Variants in TLE2 observed in about 807,000 individuals in gnomAD.
The protein encoded by TLE2 is transducin-like enhancer protein 2.
Under a neutral mutation model 97.2 loss-of-function variants are expected in TLE2, and 74 were observed. That is an observed-to-expected ratio of 0.76 (90% CI 0.63 to 0.92). The LOEUF (loss-of-function observed/expected upper bound fraction) is 0.92, where lower values mean the gene tolerates loss of function less well. Ranked by LOEUF, TLE2 falls within the 40% of genes least tolerant of loss-of-function variation. The pLI, the probability that TLE2 is intolerant of heterozygous loss-of-function variation, is 0.00. For synonymous variants in TLE2, 499 were observed against 432.1 expected (o/e 1.15, Z -1.92); for missense variants, 1,038 against 1,008.7 (o/e 1.03, Z -0.39).
chr19:3,045,549 G>A (rs1404847837), intron 1 of TLE2, among the ~76,000 whole-genome samples: 1 of 152,124 alleles, frequency 6.6e-6, no homozygotes, highest in Non-Finnish European at 1.5e-5. Flanking sequence ...GGGTGCAGTG[G>A]CTTACACCTG....
chr19:3,011,598 C>T (rs1478814202), intron 11 of TLE2, among the ~76,000 whole-genome samples: 1 of 151,836 alleles, frequency 6.6e-6, no homozygotes, highest in Non-Finnish European at 1.5e-5. Context: ...GCCTGTAATC[C>T]CACCACTTTG....
intron 9 of TLE2, among the ~76,000 whole-genome samples, chr19:3,015,074 A>AAG (rs1337654918): frequency 5.7e-5 from 8 of 140,372 alleles, no homozygotes; most frequent in Non-Finnish European, 1.3e-4. Context: ...AAAAAAAAAA[A>AAG]AGCTATTAGG....
chr19:3,042,162 G>A (rs1763901796), intron 1 of TLE2, among the ~76,000 whole-genome samples: 1 of 149,090 alleles, frequency 6.7e-6, no homozygotes, highest in African/African-American at 2.5e-5. Flanking sequence ...GAAGAGGAGG[G>A]GGAGGAGGAG....
intron 12 of TLE2, among the ~76,000 whole-genome samples, chr19:3,010,047 T>C (rs2089562149): frequency 6.6e-6 from 1 of 151,856 alleles, no homozygotes; most frequent in Non-Finnish European, 1.5e-5. Flanking sequence ...TTCTTTTAAT[T>C]GGCAAACTCC....
At chr19:3,030,521 C>A (rs1010926547), upstream of TLE2, among the ~76,000 whole-genome samples, 2 of 152,152 alleles carry the variant, frequency 1.3e-5, no homozygotes, top group African/African-American at 2.4e-5. Flanking sequence ...AAAATCCATG[C>A]CCCTTGATGA....
intron 17 of TLE2, among the ~76,000 whole-genome samples, chr19:3,003,553 G>A (rs1031552553): frequency 9.2e-5 from 14 of 151,986 alleles, no homozygotes; most frequent in African/African-American, 1.4e-4. Flanking sequence ...CAGGAGAATC[G>A]CTTGAACTTG....
rs1425747384 is a variant in TLE2 at position 3,000,662 on chromosome 19, C to G, written c.2109G>C (p.Gly703=). 1 of 1,589,794 alleles carries G rather than the reference C, an allele frequency of 6.3e-7. No individual in the cohort carries two copies. Among genetic ancestry groups the G allele is most frequent in the Non-Finnish European group, 8.6e-7 (1 of 1,168,638 alleles). Residue 703 remains glycine, a synonymous_variant, in exon 19 of 20, where the codon GGG becomes GGC. Coordinates refer to ENST00000262953, the MANE Select transcript of TLE2 (RefSeq NM_003260.5). The part of the protein sequence containing the change: ...NLLNAWRTPY[G]ASIFQSKESS... ...CGCCGAGTACCTGGAAAATGCTGGCCCCGTACGGCGTCCTCCAGGCGTTGA... is the reference window on the plus strand; with the variant it reads ...CGCCGAGTACCTGGAAAATGCTGGCGCCGTACGGCGTCCTCCAGGCGTTGA...
intron 1 of TLE2, among the ~76,000 whole-genome samples, chr19:3,041,062 T>C (rs2090100065): frequency 1.6e-5 from 2 of 124,500 alleles, no homozygotes; most frequent in South Asian, 2.9e-4. Flanking sequence ...AGTCTTATTC[T>C]GTCGCCCAGA....
Position 3,019,633 on chromosome 19 carries a change from G to T in TLE2, c.369+66C>A. 5.7e-6 allele frequency: 9 copies of T among 1,567,724 alleles called. No individual in the cohort carries two copies. The highest frequency in any genetic ancestry group is 7.8e-6 in the Non-Finnish European group (9 of 1,156,144). On this transcript the variant is annotated intron_variant, in intron 6 of 19. Transcript: ENST00000262953. The surrounding 1 kb of genome is among the most constrained non-coding windows in gnomAD (Gnocchi z 5.1). Reference sequence around the variant, plus strand: ...CACCACCCCAGCTTTAACACCTCCTGGGTGGGTGCCAGGGACCTGGGAGTG... The same window carrying T: ...CACCACCCCAGCTTTAACACCTCCTTGGTGGGTGCCAGGGACCTGGGAGTG...
In TLE2 at chr19:3,019,340, G is replaced by T. The variant is rs749627803; in HGVS notation, c.493C>A (p.Gln165Lys). The T allele has an allele frequency of 7.6e-6, 12 of 1,570,440 alleles. No homozygotes were observed. Among genetic ancestry groups the T allele is most frequent in the Non-Finnish European group, 1.0e-5 (12 of 1,166,224 alleles). Reference protein sequence around the residue: ...ALSGALAAQAQLAAAVKEDRA... With the variant: ...ALSGALAAQAKLAAAVKEDRA... ...TCCTCCTTGACAGCCGCCGCCAGCT[G>T]AGCCTGGGCAGCCAGGGCTCCAGAC... Residue 165 changes from glutamine to lysine, a missense_variant, in exon 7 of 20, where the codon CAG becomes AAG. Gln to Lys is a moderately conservative substitution (Grantham distance 53). Coordinates refer to ENST00000262953, the MANE Select transcript of TLE2 (RefSeq NM_003260.5). The surrounding 1 kb of genome is among the most constrained non-coding windows in gnomAD (Gnocchi z 5.1).
chr19:3,010,877 A>T (rs1331791759), intron 12 of TLE2, 145 bp downstream of exon 12: 3 of 1,120,266 alleles, frequency 2.7e-6, no homozygotes, highest in Non-Finnish European at 3.7e-6. Flanking sequence ...AGAGGGAGGC[A>T]GCGTCTAACT....
intron 14 of TLE2, among the ~76,000 whole-genome samples, chr19:3,007,404 T>A (rs2089501647): frequency 6.6e-6 from 1 of 152,172 alleles, no homozygotes; most frequent in Admixed American, 6.5e-5. Context: ...ATGCATTTTT[T>A]AAAGTAATTT....
Position 3,009,527 on chromosome 19 carries a change from C to T in TLE2, c.1173+15G>A, listed in dbSNP as rs781662924. 3.2e-6 allele frequency: 5 copies of T among 1,573,238 alleles called. No individual in the cohort carries two copies. Among genetic ancestry groups the T allele is most frequent in the Admixed American group, 1.9e-5 (1 of 52,840 alleles). ...GCCCTGCTGACACCTCCTGCGCCCC[C>T]ACCCAAGGACTCACCACGGGGGAGC... On this transcript the variant is annotated intron_variant, in intron 13 of 19. Transcript: ENST00000262953.
chr19:3,047,181 C>T (rs1355309725), upstream of TLE2, among the ~76,000 whole-genome samples: 2 of 110,652 alleles, frequency 1.8e-5, no homozygotes, highest in Non-Finnish European at 3.8e-5. Flanking sequence ...TACCCTCCCC[C>T]GTCCTCCGCC....
chr19:3,042,595 A>G (rs936067948), intron 1 of TLE2, among the ~76,000 whole-genome samples: 12 of 151,210 alleles, frequency 7.9e-5, no homozygotes, highest in Admixed American at 2.6e-4. Context: ...GATGGCAGAA[A>G]GAGGGAGACG....
intron 1 of TLE2, among the ~76,000 whole-genome samples, chr19:3,042,281 C>A: frequency 1.3e-5 from 1 of 76,990 alleles, no homozygotes; most frequent in African/African-American, 5.2e-5. Flanking sequence ...TGTGGAGGGG[C>A]AGGGAGGAAG....
chr19:3,024,968 C>T (rs1404706876), intron 5 of TLE2, 52 bp downstream of exon 5: 5 of 1,493,926 alleles, frequency 3.3e-6, no homozygotes, highest in East Asian at 2.4e-5. Context: ...TACCCCCTCC[C>T]GTCTTCTTCC....
intron 5 of TLE2, among the ~76,000 whole-genome samples, chr19:3,021,114 AG>A (rs148602558): frequency 0.28 from 12,619 of 45,262 alleles, 1,932 homozygotes; most frequent in African/African-American, 0.32. Flanking sequence ...AAAAAAAAAA[AG>A]GGGGGGGGGT....
chr19:3,013,618 G>C (rs216271), intron 11 of TLE2, 51 bp downstream of exon 11: 1 of 1,323,500 alleles, frequency 7.6e-7, no homozygotes, highest in Non-Finnish European at 9.7e-7. Context: ...GTCTGCTTCG[G>C]GGCCCCCGGG....
Sources: gnomAD v4.1 joint callset for allele counts (sites outside exome capture counted in the v4.1 genomes callset) on GRCh38, gnomAD v4.1.1 for gene constraint, Gnocchi (gnomAD v3.1) non-coding constraint, MANE v1.5 for transcripts, NCBI Gene and HGNC (gene_info 2026-07-23, HGNC 2026-07-21) for gene names.